The following PCDHA4 variants were observed in gnomAD, a reference collection of about 807,000 sequenced individuals.
PCDHA4 encodes protocadherin alpha 4, also known as protocadherin alpha-4.
PCDHA4 carries 49 observed loss-of-function variants against 61.4 expected under a neutral mutation model. The ratio of observed to expected loss-of-function variants is 0.80; its 90% confidence interval spans 0.63 to 1.01. The LOEUF is 1.01. Ranked by LOEUF, PCDHA4 falls within the 50% of genes least tolerant of loss-of-function variation. PCDHA4 has a pLI of 0.00. For synonymous variants in PCDHA4, 590 were observed against 550.3 expected (o/e 1.07, Z -1.01); for missense variants, 1,254 against 1,235.8 (o/e 1.01, Z -0.22).
intron 1 of PCDHA4, chr5:140,812,106 G>C (rs1210972829): frequency 6.7e-6 from 1 of 150,088 alleles, no homozygotes; most frequent in Non-Finnish European, 1.5e-5. Flanking sequence ...TTCTTTAAAA[G>C]TTTGGTAGAA....
At chr5:140,886,680 G>T (rs1554182653) in intron 1 of PCDHA4, among the ~76,000 whole-genome samples, 1 of 151,946 alleles carries the variant, frequency 6.6e-6, no homozygotes, top group Non-Finnish European at 1.5e-5. Context: ...ACAAAAATTA[G>T]CGAGGCATGG....
intron 1 of PCDHA4, chr5:140,869,685 T>G: frequency 6.2e-7 from 1 of 1,613,500 alleles, no homozygotes; most frequent in Non-Finnish European, 8.5e-7. Flanking sequence ...GACTGTCACT[T>G]ATTTTAAAGA....
At chr5:140,967,618 G>T in intron 1 of PCDHA4, 3 of 1,614,174 alleles carry the variant, frequency 1.9e-6, no homozygotes, top group Non-Finnish European at 2.5e-6. Context: ...CCTCAGACCC[G>T]GATGAGGGCT....
At chr5:140,840,486 A>G (rs1263185469) in intron 1 of PCDHA4, among the ~76,000 whole-genome samples, 5 of 152,034 alleles carry the variant, frequency 3.3e-5, no homozygotes, top group Admixed American at 3.3e-4. Context: ...TAAAGGCATA[A>G]TTCTGGTAAA....
At chr5:140,961,271 AC>A (rs1460316643) in intron 1 of PCDHA4, among the ~76,000 whole-genome samples, 1 of 152,208 alleles carries the variant, frequency 6.6e-6, no homozygotes, top group Non-Finnish European at 1.5e-5. Context: ...GCTTCTTTTT[AC>A]CATGGCTCTG....
At chr5:140,836,549 G>T (rs2150263747) in intron 1 of PCDHA4, 2 of 1,613,770 alleles carry the variant, frequency 1.2e-6, no homozygotes, top group South Asian at 2.2e-5. Context: ...CGGCGTTGCG[G>T]TGCTCAGCGC....
intron 1 of PCDHA4, chr5:140,929,542 C>A (rs2086218387): frequency 1.9e-6 from 1 of 536,790 alleles, no homozygotes; most frequent in Non-Finnish European, 3.0e-6. Context: ...GAAACAAGGG[C>A]AAAAATTAAA....
chr5:140,926,585 G>T, intron 1 of PCDHA4: 1 of 283,896 alleles, frequency 3.5e-6, no homozygotes, highest in Non-Finnish European at 6.5e-6. Flanking sequence ...CACCTCTCGC[G>T]CCCGGGCGGG....
intron 1 of PCDHA4, chr5:140,865,080 G>A (rs1166926722): frequency 6.6e-6 from 1 of 152,010 alleles, no homozygotes; most frequent in Non-Finnish European, 1.5e-5. Context: ...AAGAACCATG[G>A]GATATTAATA....
intron 1 of PCDHA4, among the ~76,000 whole-genome samples, chr5:140,912,874 G>T (rs2076102653): frequency 6.6e-6 from 1 of 152,026 alleles, no homozygotes; most frequent in Non-Finnish European, 1.5e-5. Context: ...TATGGTTTTT[G>T]GTCTTCATTC....
intron 1 of PCDHA4, among the ~76,000 whole-genome samples, chr5:140,846,665 C>T (rs1299063371): frequency 3.4e-5 from 5 of 149,130 alleles, no homozygotes; most frequent in East Asian, 3.9e-4. Context: ...TGAGCCACCG[C>T]GCCCAGCCTA....
At chr5:140,894,710 G>A (rs1032103787) in intron 1 of PCDHA4, among the ~76,000 whole-genome samples, 1 of 151,116 alleles carries the variant, frequency 6.6e-6, no homozygotes, top group Non-Finnish European at 1.5e-5. Context: ...TGTTTAAGTT[G>A]TTTTCAAATA....
At chr5:140,901,452 A>G (rs1352830826) in intron 1 of PCDHA4, among the ~76,000 whole-genome samples, 1 of 152,120 alleles carries the variant, frequency 6.6e-6, no homozygotes, top group African/African-American at 2.4e-5. Flanking sequence ...TTCCCAGCAC[A>G]GACTGTCTTT....
intron 3 of PCDHA4, among the ~76,000 whole-genome samples, chr5:140,993,088 CTA>C (rs1420227988): frequency 6.6e-6 from 1 of 152,202 alleles, no homozygotes; most frequent in Non-Finnish European, 1.5e-5. Flanking sequence ...ATCAGCAGGG[CTA>C]TGTTTATTCA....
At chr5:140,849,603 G>T in intron 1 of PCDHA4, 1 of 1,598,696 alleles carries the variant, frequency 6.3e-7, no homozygotes, top group Non-Finnish European at 8.6e-7. Context: ...GACAGTTATT[G>T]CCCTGATTAG....
rs1482430512 is a variant in PCDHA4 at position 140,807,591 on chromosome 5, C to G, written c.404C>G (p.Ala135Gly). The change falls in exon 1 of 4, where the codon GCA becomes GGA. Residue 135 changes from alanine to glycine, a missense_variant. Physicochemically the swap from Ala to Gly is moderately conservative, Grantham distance 60 (BLOSUM62 0). Coordinates refer to ENST00000530339, the MANE Select transcript of PCDHA4 (RefSeq NM_018907.4). Reference sequence around the variant, plus strand: ...AACGATAACCCGCCGGTGTTCCCAGCAACACAAAAGAACCTGTCCATCGCG... The same window carrying G: ...AACGATAACCCGCCGGTGTTCCCAGGAACACAAAAGAACCTGTCCATCGCG... ...DINDNPPVFP[A>G]TQKNLSIAES... The G allele has an allele frequency of 1.2e-6, 2 of 1,614,028 alleles. No individual in the cohort carries two copies. The highest frequency in any genetic ancestry group is 1.1e-5 in the South Asian group (1 of 91,078).
intron 1 of PCDHA4, chr5:140,842,374 A>C: frequency 6.2e-7 from 1 of 1,609,340 alleles, no homozygotes; most frequent in Non-Finnish European, 8.5e-7. Flanking sequence ...CTGAGATAGC[A>C]CTGACTTCCT....
intron 1 of PCDHA4, among the ~76,000 whole-genome samples, chr5:140,938,945 T>A (rs1390189208): frequency 6.6e-6 from 1 of 152,154 alleles, no homozygotes; most frequent in African/African-American, 2.4e-5. Context: ...TCCATTCTTA[T>A]AATGCTCTAG....
chr5:140,834,170 A>T (rs1010045259), intron 1 of PCDHA4: 13 of 553,312 alleles, frequency 2.3e-5, no homozygotes, highest in Admixed American at 1.0e-4. Flanking sequence ...TCTTACTTAC[A>T]TGATGGCCAC....
Sources: allele counts gnomAD v4.1 joint callset (sites outside exome capture counted in the v4.1 genomes callset), GRCh38; gene constraint gnomAD v4.1.1; transcripts MANE v1.5; gene names NCBI Gene and HGNC (gene_info 2026-07-23, HGNC 2026-07-21).